Variants in HCN1 observed in about 807,000 individuals in gnomAD.
The protein encoded by HCN1 is potassium/sodium hyperpolarization-activated cyclic nucleotide-gated channel 1.
HCN1 carries 13 observed loss-of-function variants against 78.9 expected under a neutral mutation model. The observed-to-expected ratio is 0.16, with a 90% CI of 0.11 to 0.26. HCN1 has a LOEUF of 0.26. HCN1 is among the 10% of genes least tolerant of loss of function. The pLI, the probability that HCN1 is intolerant of heterozygous loss-of-function variation, is 1.00. For synonymous variants in HCN1, 552 were observed against 455.5 expected (o/e 1.21, Z -2.70); for missense variants, 810 against 1,154.3 (o/e 0.70, Z 4.32).
intron 4 of HCN1, among the ~76,000 whole-genome samples, chr5:45,372,105 TATAATA>T (rs1747395747): frequency 3.1e-5 from 2 of 63,530 alleles, no homozygotes; most frequent in East Asian, 6.3e-4. Context: ...ATATTTTATA[TATAATA>T]TAATTATATA....
chr5:45,549,955 C>T (rs1167443501), intron 2 of HCN1, among the ~76,000 whole-genome samples: 1 of 152,174 alleles, frequency 6.6e-6, no homozygotes, highest in East Asian at 1.9e-4. Flanking sequence ...GAGATACCAT[C>T]TCACACCAGT....
At chr5:45,576,755 T>G (rs1743955440) in intron 2 of HCN1, 2 of 152,220 alleles carry the variant, frequency 1.3e-5, no homozygotes, top group African/African-American at 4.8e-5. Context: ...CCAAAATATT[T>G]GCGTGACTCT....
intron 5 of HCN1, among the ~76,000 whole-genome samples, chr5:45,317,930 T>G (rs991548410): frequency 3.4e-4 from 52 of 151,766 alleles, no homozygotes; most frequent in African/African-American, 6.5e-4. Flanking sequence ...TGCTGGAGAG[T>G]ATGTGGAGAA....
intron 2 of HCN1, among the ~76,000 whole-genome samples, chr5:45,615,722 G>A (rs1209164027): frequency 6.6e-6 from 1 of 151,886 alleles, no homozygotes; most frequent in Non-Finnish European, 1.5e-5. Flanking sequence ...AATACACGTG[G>A]TTTGAGGTTA....
chr5:45,568,384 A>G (rs1488739837), intron 2 of HCN1, among the ~76,000 whole-genome samples: 1 of 152,030 alleles, frequency 6.6e-6, no homozygotes, highest in Non-Finnish European at 1.5e-5. Context: ...ATCAATTTTT[A>G]GGAATGTAAA....
chr5:45,658,291 G>A (rs997032978), intron 1 of HCN1, among the ~76,000 whole-genome samples: 1 of 152,142 alleles, frequency 6.6e-6, no homozygotes. Context: ...AACCCTAGAA[G>A]AAAACCTAGG....
intron 2 of HCN1, among the ~76,000 whole-genome samples, chr5:45,506,542 T>G (rs1301596367): frequency 6.6e-6 from 1 of 151,972 alleles, no homozygotes. Context: ...AAAACACAAA[T>G]GCAAACTGGG....
chr5:45,565,016 T>C (rs1340310117), intron 2 of HCN1, among the ~76,000 whole-genome samples: 1 of 152,138 alleles, frequency 6.6e-6, no homozygotes, highest in Non-Finnish European at 1.5e-5. Flanking sequence ...TTTTGTCAAA[T>C]TAAATTAAAC....
chr5:45,415,175 T>C (rs1380730817), intron 3 of HCN1, among the ~76,000 whole-genome samples: 2 of 152,192 alleles, frequency 1.3e-5, no homozygotes, highest in Admixed American at 6.6e-5. Flanking sequence ...TTGAAAAATA[T>C]AGCAGTTATT....
intron 4 of HCN1, among the ~76,000 whole-genome samples, chr5:45,363,133 T>TATATATATAC (rs1561124363): frequency 9.2e-6 from 1 of 108,796 alleles, no homozygotes; most frequent in African/African-American, 4.2e-5. Flanking sequence ...TATAACATAT[T>TATATATATAC]ATATATATAT....
At chr5:45,337,807 C>T (rs988307403) in intron 5 of HCN1, among the ~76,000 whole-genome samples, 6 of 152,046 alleles carry the variant, frequency 3.9e-5, no homozygotes, top group African/African-American at 1.2e-4. Flanking sequence ...AAGGCCTCTT[C>T]AGGAGATAAC....
intron 2 of HCN1, among the ~76,000 whole-genome samples, chr5:45,495,655 G>A (rs916601855): frequency 1.3e-5 from 2 of 152,126 alleles, no homozygotes; most frequent in African/African-American, 4.8e-5. Flanking sequence ...GGAGTGGTGA[G>A]AGAGGTCATC....
At chr5:45,440,602 C>T (rs1013954843) in intron 3 of HCN1, among the ~76,000 whole-genome samples, 5 of 152,110 alleles carry the variant, frequency 3.3e-5, no homozygotes, top group Non-Finnish European at 7.4e-5. Flanking sequence ...CTGACTAGTT[C>T]ACATCAAACT....
At chr5:45,376,967 G>C (rs1421354799) in intron 4 of HCN1, among the ~76,000 whole-genome samples, 1 of 151,922 alleles carries the variant, frequency 6.6e-6, no homozygotes, top group Non-Finnish European at 1.5e-5. Flanking sequence ...TTTGTCATGT[G>C]AGAAAAATAG....
intron 6 of HCN1, among the ~76,000 whole-genome samples, chr5:45,292,884 A>T (rs1333223001): frequency 1.3e-5 from 2 of 152,138 alleles, no homozygotes; most frequent in South Asian, 4.1e-4. Flanking sequence ...CTCTGGTTTT[A>T]CATGTTTAAA....
Position 45,696,067 on chromosome 5 carries a change from A to T in HCN1, c.27T>A (p.Ser9=). 1 of 1,353,136 alleles carries T rather than the reference A, an allele frequency of 7.4e-7. No homozygotes were observed. The highest frequency in any genetic ancestry group is 9.6e-7 in the Non-Finnish European group (1 of 1,042,158). The allele number at this position is 1,353,136 out of a possible 1,614,324, so 83.8% of individuals were successfully genotyped here. The stretch of plus-strand genomic sequence containing the variant: ...TGCCATCGTCCCGGCTGTTAGACGA[A>T]GAGTTGGGCTTGCCGCCTCCTTCCA... MEGGGKPN[S]SSNSRDDGNS... is the part of the protein sequence containing the mutation. The change falls in exon 1 of 8, where the codon TCT becomes TCA. Residue 9 remains serine, a synonymous_variant. Coordinates refer to ENST00000303230, the MANE Select transcript of HCN1 (RefSeq NM_021072.4).
intron 2 of HCN1, among the ~76,000 whole-genome samples, chr5:45,550,152 T>C (rs1743334699): frequency 6.6e-6 from 1 of 152,110 alleles, no homozygotes; most frequent in Non-Finnish European, 1.5e-5. Context: ...TACTGGTATA[T>C]ACCCAAAGGA....
At chr5:45,308,259 A>C (rs368601697) in intron 5 of HCN1, among the ~76,000 whole-genome samples, 1 of 152,108 alleles carries the variant, frequency 6.6e-6, no homozygotes, top group African/African-American at 2.4e-5. Flanking sequence ...TGCATCTTGT[A>C]CAGGCTGCTG....
chr5:45,337,866 G>A (rs1030438606), intron 5 of HCN1, among the ~76,000 whole-genome samples: 4 of 152,022 alleles, frequency 2.6e-5, no homozygotes, highest in African/African-American at 9.7e-5. Flanking sequence ...ATCTGCTAAA[G>A]GTGTTTCAAC....
Sources: allele counts gnomAD v4.1 joint callset (sites outside exome capture counted in the v4.1 genomes callset), GRCh38; gene constraint gnomAD v4.1.1; transcripts MANE v1.5; gene names NCBI Gene and HGNC (gene_info 2026-07-23, HGNC 2026-07-21).